The following PRKCB variants were observed in gnomAD, a reference collection of about 807,000 sequenced individuals.
PRKCB encodes protein kinase C beta, also known as protein kinase C beta type.
PRKCB carries 13 observed loss-of-function variants against 81.5 expected under a neutral mutation model. The ratio of observed to expected loss-of-function variants is 0.16; its 90% confidence interval spans 0.10 to 0.25. PRKCB has a LOEUF of 0.25. PRKCB is among the 10% of genes least tolerant of loss of function. The pLI, the probability that PRKCB is intolerant of heterozygous loss-of-function variation, is 1.00. For synonymous variants in PRKCB, 335 were observed against 321.4 expected (o/e 1.04, Z -0.45); for missense variants, 509 against 875.7 (o/e 0.58, Z 5.29).
At chr16:24,026,065 G>T (rs1183937617) in intron 3 of PRKCB, among the ~76,000 whole-genome samples, 1 of 152,200 alleles carries the variant, frequency 6.6e-6, no homozygotes, top group Non-Finnish European at 1.5e-5. Flanking sequence ...GCAAGGCTGA[G>T]GCAGGCAGAT....
chr16:23,971,025 G>C (rs1964548424), intron 2 of PRKCB, among the ~76,000 whole-genome samples: 1 of 152,206 alleles, frequency 6.6e-6, no homozygotes, highest in African/African-American at 2.4e-5. Flanking sequence ...GGAATGTGGG[G>C]ATTATAGTAG....
Position 24,093,684 on chromosome 16 carries a change from C to G in PRKCB, c.687-479C>G, listed in dbSNP as rs1966404752. 3.3e-5 allele frequency among the ~76,000 whole-genome samples: 5 copies of G among 152,140 alleles called. No homozygotes were observed. The South Asian group carries it at 1.0e-3, about 31-fold the overall frequency. On this transcript the variant is annotated intron_variant, in intron 6 of 16. Transcript: ENST00000643927. ...GAAGCACAGTTCCTTGTCCTGTCTC[C>G]TCTTCCCTCTCTCAGGGCAAAGCTG... is the stretch of plus-strand genomic sequence containing the variant.
intron 2 of PRKCB, among the ~76,000 whole-genome samples, chr16:23,870,584 G>A (rs2141098736): frequency 6.6e-6 from 1 of 152,324 alleles, no homozygotes; most frequent in Admixed American, 6.5e-5. Context: ...TTTAAACGAA[G>A]CCATTAGGTG....
intron 2 of PRKCB, among the ~76,000 whole-genome samples, chr16:23,897,219 C>G (rs1437201268): frequency 3.3e-5 from 5 of 152,162 alleles, no homozygotes; most frequent in Non-Finnish European, 7.4e-5. Flanking sequence ...GTGCTGTGCT[C>G]TGTAGAGCTC....
In PRKCB at chr16:23,903,292, C is replaced by T. The variant is rs578216430; in HGVS notation, c.205+65886C>T. Among the ~76,000 whole-genome samples, 7 of 150,822 alleles carry T rather than the reference C, an allele frequency of 4.6e-5. No homozygotes were observed. The South Asian group carries it at 1.1e-3, about 23-fold the overall frequency. On this transcript the variant is annotated intron_variant, in intron 2 of 16. Coordinates refer to ENST00000643927, the MANE Select transcript of PRKCB (RefSeq NM_002738.7). ...GTGTGTGTGTGTGTGTGTGCACCCA[C>T]GTGTGTGTGGGGGAGTGATAGAGAT...
chr16:24,190,700 G>A (rs1384673798), intron 15 of PRKCB, among the ~76,000 whole-genome samples: 1 of 151,884 alleles, frequency 6.6e-6, no homozygotes, highest in Non-Finnish European at 1.5e-5. Flanking sequence ...TGTATTTTTA[G>A]TAGAGACAGG....
At chr16:23,903,185 G>A (rs975960480) in intron 2 of PRKCB, among the ~76,000 whole-genome samples, 3 of 151,498 alleles carry the variant, frequency 2.0e-5, no homozygotes, top group Middle Eastern at 3.2e-3. Context: ...AAAGAGCCCC[G>A]CTTTTGTTGT....
At chr16:23,837,812 G>C (rs894165927) in intron 2 of PRKCB, among the ~76,000 whole-genome samples, 2 of 152,320 alleles carry the variant, frequency 1.3e-5, no homozygotes, top group East Asian at 3.8e-4. Context: ...GCCTCTCCCT[G>C]CCTTGCAGAG....
chr16:24,010,887 G>A (rs192710116), intron 3 of PRKCB, among the ~76,000 whole-genome samples: 1 of 150,000 alleles, frequency 6.7e-6, no homozygotes. Flanking sequence ...TTTTCTTTTT[G>A]ATACAAGGTC....
chr16:24,143,242 C>T (rs1443554814), intron 9 of PRKCB, among the ~76,000 whole-genome samples: 1 of 152,150 alleles, frequency 6.6e-6, no homozygotes, highest in South Asian at 2.1e-4. Context: ...AAGCGAGTCT[C>T]CTGCCTCAGC....
chr16:23,954,451 G>A (rs1379955967), intron 2 of PRKCB, among the ~76,000 whole-genome samples: 1 of 152,228 alleles, frequency 6.6e-6, no homozygotes, highest in Non-Finnish European at 1.5e-5. Context: ...GTCCTGGGAG[G>A]AACCTTCTAT....
intron 8 of PRKCB, among the ~76,000 whole-genome samples, chr16:24,113,601 C>T (rs1966704771): frequency 6.7e-6 from 1 of 149,652 alleles, no homozygotes; most frequent in African/African-American, 2.5e-5. Context: ...CTCTCTCTTC[C>T]TCTCTCTTGT....
At chr16:24,133,283 T>C (rs147152978) in intron 9 of PRKCB, among the ~76,000 whole-genome samples, 1 of 152,218 alleles carries the variant, frequency 6.6e-6, no homozygotes, top group Non-Finnish European at 1.5e-5. Context: ...ATACTCCTAG[T>C]GATGGAGGGC....
intron 2 of PRKCB, among the ~76,000 whole-genome samples, chr16:23,967,615 TTTTTTTC>T (rs1350891815): frequency 6.6e-6 from 1 of 152,162 alleles, no homozygotes; most frequent in Non-Finnish European, 1.5e-5. Context: ...GTGTGGTGTC[TTTTTTTC>T]TTTTTTCTTT....
At chr16:24,016,538 TAA>T (rs1364666318) in intron 3 of PRKCB, among the ~76,000 whole-genome samples, 1 of 152,056 alleles carries the variant, frequency 6.6e-6, no homozygotes, top group Non-Finnish European at 1.5e-5. Flanking sequence ...GGTTATAAAA[TAA>T]AGATATAAAT....
At chr16:24,105,054 G>GA (rs1237396747) in intron 7 of PRKCB, among the ~76,000 whole-genome samples, 1 of 82,868 alleles carries the variant, frequency 1.2e-5, no homozygotes, top group Non-Finnish European at 2.5e-5. Context: ...CACGTTGTTG[G>GA]ATTTTTTTTT....
intron 2 of PRKCB, among the ~76,000 whole-genome samples, chr16:23,926,928 A>G (rs1315918306): frequency 6.6e-6 from 1 of 152,096 alleles, no homozygotes; most frequent in African/African-American, 2.4e-5. Flanking sequence ...CGATGTATAC[A>G]TTGGTCGATT....
intron 16 of PRKCB, among the ~76,000 whole-genome samples, chr16:24,202,770 C>T (rs1967979256): frequency 6.6e-6 from 1 of 152,224 alleles, no homozygotes; most frequent in African/African-American, 2.4e-5. Flanking sequence ...TCTAACTCTA[C>T]ATCACCCTTT....
chr16:23,989,494 A>C (rs1964849038), intron 3 of PRKCB, among the ~76,000 whole-genome samples: 1 of 152,224 alleles, frequency 6.6e-6, no homozygotes, highest in South Asian at 2.1e-4. Context: ...AGATGCTTGT[A>C]GGTAAAATGT....
Sources: gnomAD v4.1 joint callset for allele counts (sites outside exome capture counted in the v4.1 genomes callset) on GRCh38, gnomAD v4.1.1 for gene constraint, MANE v1.5 for transcripts, NCBI Gene and HGNC (gene_info 2026-07-23, HGNC 2026-07-21) for gene names.